Variants in CALD1 observed in about 807,000 individuals in gnomAD.
CALD1 encodes the protein caldesmon 1.
In CALD1, 33 loss-of-function variants were observed where a neutral mutation model predicts 99.9. That is an observed-to-expected ratio of 0.33 (90% CI 0.25 to 0.44). CALD1 has a LOEUF of 0.44. CALD1 is among the 20% of genes least tolerant of loss of function. The pLI is 1.00. For synonymous variants in CALD1, 310 were observed against 325.0 expected (o/e 0.95, Z 0.50); for missense variants, 861 against 962.1 (o/e 0.89, Z 1.39).
rs560328516 is a variant in CALD1, at chr7:134,965,141, C to A, written c.2296-165C>A. 137 of 565,258 alleles carry A rather than the reference C, an allele frequency of 2.4e-4. 1 individual carries two copies. The highest frequency in any genetic ancestry group is 4.9e-4 in the East Asian group (16 of 32,964). The allele number at this position is 565,258 out of a possible 1,614,324, so 35.0% of individuals were successfully genotyped here. On this transcript the variant is annotated intron_variant, in intron 13 of 14. Transcript: ENST00000361675. ...AAAAAAAATAAAAAAATAAAAAAAT[C>A]AAACAACAGCTGATGGTCCTTTCAA...
chr7:134,847,843 C>CT (rs200381908), intron 2 of CALD1, among the ~76,000 whole-genome samples: 1 of 152,176 alleles, frequency 6.6e-6, no homozygotes, highest in Non-Finnish European at 1.5e-5. Context: ...CCTTTCCAGG[C>CT]TTTTTTTCCC....
chr7:134,844,145 A>C (rs1318169988), intron 2 of CALD1, 174 bp downstream of exon 2: 1 of 151,962 alleles, frequency 6.6e-6, no homozygotes, highest in East Asian at 1.9e-4. Flanking sequence ...GAATCTATCA[A>C]GTTTTGAAGG....
At chr7:134,787,798 G>C (rs3800708) in intron 1 of CALD1, among the ~76,000 whole-genome samples, 47,361 of 152,064 alleles carry the variant, frequency 0.31, 7,811 homozygotes, top group East Asian at 0.61. Flanking sequence ...ATTCACTAAA[G>C]ATTGGAGAGC....
chr7:134,914,716 T>C (rs776034761), intron 3 of CALD1, among the ~76,000 whole-genome samples: 2 of 152,214 alleles, frequency 1.3e-5, no homozygotes, highest in Non-Finnish European at 2.9e-5. Context: ...TTTCTGTACA[T>C]GGAAAGGTCC....
chr7:134,927,224 A>G (rs556396241), intron 3 of CALD1, among the ~76,000 whole-genome samples: 132 of 152,256 alleles, frequency 8.7e-4, no homozygotes, highest in Admixed American at 1.6e-3. Flanking sequence ...CCCAGCCCCA[A>G]TTCTTTATTT....
chr7:134,887,668 G>A (rs867483101), intron 3 of CALD1, among the ~76,000 whole-genome samples: 15 of 151,072 alleles, frequency 9.9e-5, no homozygotes, highest in East Asian at 3.9e-4. Context: ...GCATGTGTGC[G>A]TATGCATGCA....
At chr7:134,821,035 C>T (rs373123347) in intron 1 of CALD1, among the ~76,000 whole-genome samples, 26 of 152,188 alleles carry the variant, frequency 1.7e-4, no homozygotes, top group East Asian at 7.7e-4. Flanking sequence ...ACTTAGATTA[C>T]GTTTATGCGT....
chr7:134,769,707 G>A (rs1796861681), intron 1 of CALD1, among the ~76,000 whole-genome samples: 1 of 151,932 alleles, frequency 6.6e-6, no homozygotes, highest in African/African-American at 2.4e-5. Context: ...GTGTGATCTT[G>A]GCTCCCTGCA....
intron 2 of CALD1, among the ~76,000 whole-genome samples, chr7:134,854,109 T>G (rs1452876374): frequency 2.0e-5 from 3 of 152,190 alleles, no homozygotes; most frequent in Admixed American, 1.3e-4. Flanking sequence ...ATCCAGTCTA[T>G]CATTGATGGA....
chr7:134,918,791 T>G (rs1207175314), intron 3 of CALD1, among the ~76,000 whole-genome samples: 1 of 151,958 alleles, frequency 6.6e-6, no homozygotes, highest in Non-Finnish European at 1.5e-5. Context: ...AGCTCAGGAG[T>G]TTGAGACCAG....
At chr7:134,761,595 C>T (rs1268631240) in intron 1 of CALD1, among the ~76,000 whole-genome samples, 1 of 152,180 alleles carries the variant, frequency 6.6e-6, no homozygotes, top group Non-Finnish European at 1.5e-5. Context: ...TGTGAGGCAG[C>T]TACTTTACAA....
intron 1 of CALD1, among the ~76,000 whole-genome samples, chr7:134,830,660 GTATT>G (rs1188105590): frequency 1.3e-5 from 2 of 152,086 alleles, no homozygotes; most frequent in African/African-American, 2.4e-5. Context: ...AGAACAAGCA[GTATT>G]TAGTTTTCTG....
At chr7:134,902,640 C>G (rs753594018) in intron 3 of CALD1, among the ~76,000 whole-genome samples, 1 of 152,026 alleles carries the variant, frequency 6.6e-6, no homozygotes, top group Non-Finnish European at 1.5e-5. Context: ...AGGAACACAG[C>G]AAAGGGAAAA....
intron 14 of CALD1, 63 bp downstream of exon 14, chr7:134,965,449 T>A: frequency 1.2e-6 from 1 of 823,624 alleles, no homozygotes; most frequent in Admixed American, 1.7e-5. Context: ...TGTAGTATAA[T>A]GTCCTGGAGT....
At chr7:134,786,450 C>G (rs372271995) in intron 1 of CALD1, among the ~76,000 whole-genome samples, 4 of 151,854 alleles carry the variant, frequency 2.6e-5, no homozygotes, top group African/African-American at 9.7e-5. Context: ...AGTAGAAATT[C>G]TTTTTAAAAT....
chr7:134,897,389 A>AATATAT (rs772700602), intron 3 of CALD1, among the ~76,000 whole-genome samples: 2 of 146,644 alleles, frequency 1.4e-5, no homozygotes, highest in African/African-American at 5.0e-5. Flanking sequence ...TATATATATA[A>AATATAT]ATATATATAT....
Position 134,933,281 on chromosome 7 carries a change from C to T in CALD1, c.512C>T (p.Ser171Phe), listed in dbSNP as rs114442219. ...EIEETETVTK[S>F]YQKNDWRDAE... ...GAGGAAACAGAAACAGTCACCAAGT[C>T]CTACCAGAAGAATGATTGGAGGGAT... The change falls in exon 5 of 15, where the codon TCC becomes TTC. Residue 171 changes from serine to phenylalanine, a missense_variant. This residue lies in a region of CALD1 where 234 missense variants were observed against 233.1 expected (regional missense o/e 1.00). Transcript: ENST00000361675. 2.6e-3 allele frequency: 4,191 copies of T among 1,595,466 alleles called. 79 individuals carry two copies. In the African/African-American group the frequency reaches 0.051, roughly 19 times the overall value.
At chr7:134,950,811 C>G (rs1807277043) in intron 9 of CALD1, among the ~76,000 whole-genome samples, 1 of 152,090 alleles carries the variant, frequency 6.6e-6, no homozygotes, top group Non-Finnish European at 1.5e-5. Flanking sequence ...CAAAAACTAG[C>G]CGGACGTGGT....
At position 134,794,643 on chromosome 7, in the gene CALD1, C is replaced by T. The variant is rs191343253; in HGVS notation, c.-130+14894C>T. On this transcript the variant is annotated intron_variant, in intron 1 of 14. Coordinates refer to ENST00000361675, the MANE Select transcript of CALD1 (RefSeq NM_033138.4). ...CTGGGATTACAGGTGTGTGCCACCA[C>T]GCCCAGCTAATTTTTGTATTTTTAG... Among the ~76,000 whole-genome samples, 80 of 152,202 alleles carry T rather than the reference C, an allele frequency of 5.3e-4. 1 individual carries two copies. Among genetic ancestry groups the T allele is most frequent in the South Asian group, 4.8e-3 (23 of 4,818 alleles).
Sources: gnomAD v4.1 joint callset for allele counts (sites outside exome capture counted in the v4.1 genomes callset) on GRCh38, gnomAD v4.1.1 for gene constraint, gnomAD v4.1.1 regional missense constraint, MANE v1.5 for transcripts, NCBI Gene and HGNC (gene_info 2026-07-23, HGNC 2026-07-21) for gene names.